The following TBC1D22A variants were observed in gnomAD, a reference collection of about 807,000 sequenced individuals.
TBC1D22A encodes the protein putative GTPase activator.
Under a neutral mutation model 60.2 loss-of-function variants are expected in TBC1D22A, and 38 were observed. That is an observed-to-expected ratio of 0.63 (90% confidence interval 0.49 to 0.83). The LOEUF is 0.83. Ranked by LOEUF, TBC1D22A falls within the 40% of genes least tolerant of loss-of-function variation. The probability of loss-of-function intolerance (pLI) is 0.00; values close to 1 mark genes in which losing one functional copy is unlikely to be tolerated. For missense variants in TBC1D22A, 628 were observed against 701.0 expected (o/e 0.90, Z 1.18); for synonymous variants, 302 against 281.7 (o/e 1.07, Z -0.72).
intron 11 of TBC1D22A, among the ~76,000 whole-genome samples, chr22:47,037,923 T>A (rs1053465793): frequency 1.3e-5 from 2 of 152,192 alleles, no homozygotes; most frequent in Non-Finnish European, 2.9e-5. Flanking sequence ...AAAGATTTTT[T>A]AAAAAATCAC....
chr22:47,029,279 A>G (rs2062374320), intron 10 of TBC1D22A, among the ~76,000 whole-genome samples: 1 of 150,504 alleles, frequency 6.6e-6, no homozygotes, highest in Non-Finnish European at 1.5e-5. Flanking sequence ...GCCCAGGGAC[A>G]CAGCGCTTCC....
intron 4 of TBC1D22A, among the ~76,000 whole-genome samples, chr22:46,812,444 T>C (rs958244114): frequency 5.3e-5 from 8 of 152,202 alleles, no homozygotes; most frequent in Non-Finnish European, 1.2e-4. Flanking sequence ...GATGTGAGGC[T>C]GGCATTTGAA....
At chr22:46,969,500 G>T (rs1225718408) in intron 8 of TBC1D22A, among the ~76,000 whole-genome samples, 1 of 152,094 alleles carries the variant, frequency 6.6e-6, no homozygotes, top group African/African-American at 2.4e-5. Flanking sequence ...TTTCAAAGAA[G>T]GTTAGTTAAA....
chr22:46,804,457 T>C (rs4823878), intron 4 of TBC1D22A, among the ~76,000 whole-genome samples: 109,317 of 151,632 alleles, frequency 0.72, 39,460 homozygotes, highest in Middle Eastern at 0.83. Flanking sequence ...CTTACCAGTT[T>C]TTCAGAGCTC....
chr22:47,085,150 G>A (rs374794577), intron 11 of TBC1D22A, among the ~76,000 whole-genome samples: 5 of 152,148 alleles, frequency 3.3e-5, no homozygotes, highest in African/African-American at 7.2e-5. Flanking sequence ...ATATGGTGGC[G>A]TGTGCCTGTA....
intron 11 of TBC1D22A, among the ~76,000 whole-genome samples, chr22:47,065,587 T>TGGGA (rs1342342215): frequency 4.5e-5 from 2 of 44,836 alleles, no homozygotes; most frequent in Admixed American, 3.0e-4. Context: ...AGTGAAGATT[T>TGGGA]CATTGTGTTT....
chr22:47,043,717 A>G (rs1023750344), intron 11 of TBC1D22A, among the ~76,000 whole-genome samples: 10 of 152,172 alleles, frequency 6.6e-5, no homozygotes, highest in African/African-American at 2.4e-4. Flanking sequence ...CCCATAGGGC[A>G]TAGAGCAGGT....
chr22:47,060,082 T>C (rs986148279), intron 11 of TBC1D22A, among the ~76,000 whole-genome samples: 2 of 152,144 alleles, frequency 1.3e-5, no homozygotes, highest in African/African-American at 4.8e-5. Context: ...GACAGGACTG[T>C]GGCAGTTTAT....
intron 4 of TBC1D22A, among the ~76,000 whole-genome samples, chr22:46,812,571 C>T (rs2085426999): frequency 2.0e-5 from 3 of 152,196 alleles, no homozygotes; most frequent in Non-Finnish European, 2.9e-5. Context: ...GTGGGGACTG[C>T]CGCCTTTCTG....
At chr22:47,155,881 G>A (rs891177798) in intron 12 of TBC1D22A, among the ~76,000 whole-genome samples, 4 of 152,244 alleles carry the variant, frequency 2.6e-5, no homozygotes, top group African/African-American at 9.6e-5. Context: ...AGTTAAAAGG[G>A]CATTGAGTGT....
chr22:46,950,522 G>A (rs531208335), intron 8 of TBC1D22A, among the ~76,000 whole-genome samples: 36 of 152,302 alleles, frequency 2.4e-4, no homozygotes, highest in Middle Eastern at 6.8e-3. Flanking sequence ...AGGGCCGATG[G>A]CTGGATGGAG....
At chr22:47,021,953 C>T (rs537103249) in intron 10 of TBC1D22A, among the ~76,000 whole-genome samples, 2 of 152,326 alleles carry the variant, frequency 1.3e-5, no homozygotes, top group East Asian at 3.9e-4. Context: ...GTAGACAGGG[C>T]TGAGTGGCTT....
At chr22:46,953,307 A>G (rs1046579478) in intron 8 of TBC1D22A, among the ~76,000 whole-genome samples, 62 of 152,180 alleles carry the variant, frequency 4.1e-4, no homozygotes, top group Non-Finnish European at 6.8e-4. Context: ...CCTGGGTTCC[A>G]TGACACACTC....
chr22:46,790,199 C>T (rs2084346923), intron 1 of TBC1D22A, among the ~76,000 whole-genome samples: 1 of 152,260 alleles, frequency 6.6e-6, no homozygotes, highest in South Asian at 2.1e-4. Flanking sequence ...CTGCTCTCTC[C>T]AGCTCCAGGA....
chr22:47,056,604 T>C (rs998792174), intron 11 of TBC1D22A, among the ~76,000 whole-genome samples: 1 of 152,172 alleles, frequency 6.6e-6, no homozygotes, highest in Non-Finnish European at 1.5e-5. Flanking sequence ...TGTCTCCTTG[T>C]TGGTCTTCTC....
At chr22:47,159,737 A>G (rs1196561229) in intron 12 of TBC1D22A, among the ~76,000 whole-genome samples, 1 of 151,480 alleles carries the variant, frequency 6.6e-6, no homozygotes, top group African/African-American at 2.4e-5. Flanking sequence ...ACTGCACACC[A>G]TTCATCATGT....
chr22:46,934,161 G>T (rs936247547), intron 8 of TBC1D22A, among the ~76,000 whole-genome samples: 4 of 152,208 alleles, frequency 2.6e-5, no homozygotes, highest in Non-Finnish European at 4.4e-5. Flanking sequence ...GTAAGGATTT[G>T]TAGTTTTCAT....
intron 4 of TBC1D22A, among the ~76,000 whole-genome samples, chr22:46,849,299 G>A (rs866999996): frequency 6.6e-6 from 1 of 152,210 alleles, no homozygotes; most frequent in Non-Finnish European, 1.5e-5. Context: ...CACTCAGGCA[G>A]CCCTAGCCTG....
chr22:46,936,998 TG>T (rs139910831), intron 8 of TBC1D22A, among the ~76,000 whole-genome samples: 5,505 of 152,116 alleles, frequency 0.036, 291 homozygotes, highest in African/African-American at 0.11. Flanking sequence ...GGCTTTTTTG[TG>T]GGGGGCAGTG....
Sources: gnomAD v4.1 joint callset for allele counts (sites outside exome capture counted in the v4.1 genomes callset) on GRCh38, gnomAD v4.1.1 for gene constraint, MANE v1.5 for transcripts, NCBI Gene and HGNC (gene_info 2026-07-23, HGNC 2026-07-21) for gene names.